The following SAMD3 variants were observed in gnomAD, a reference collection of about 807,000 sequenced individuals.
SAMD3 encodes sterile alpha motif domain containing 3.
Under a neutral mutation model 58.5 loss-of-function variants are expected in SAMD3, and 63 were observed. The observed-to-expected ratio is 1.08, with a 90% CI of 0.88 to 1.33. The LOEUF (loss-of-function observed/expected upper bound fraction) is 1.33. Ranked by LOEUF, SAMD3 falls within the 40% of genes most tolerant of loss-of-function variation. The probability of loss-of-function intolerance (pLI) is 0.00; values close to 1 mark genes in which losing one functional copy is unlikely to be tolerated. For missense variants in SAMD3, 604 were observed against 608.4 expected, an observed-to-expected ratio of 0.99 and a Z score of 0.08; for synonymous variants, 220 against 210.3, an observed-to-expected ratio of 1.05 and a Z score of -0.40.
chr6:130,310,339 C>T (rs1776105174), intron 2 of SAMD3, among the ~76,000 whole-genome samples: 1 of 152,134 alleles, frequency 6.6e-6, no homozygotes, highest in South Asian at 2.1e-4. Flanking sequence ...TTAAAACCCT[C>T]ATAAGGAGAA....
intron 1 of SAMD3, among the ~76,000 whole-genome samples, chr6:130,218,346 A>C (rs1416358274): frequency 3.3e-5 from 5 of 152,190 alleles, no homozygotes; most frequent in Admixed American, 3.3e-4. Flanking sequence ...CCATTCTCTC[A>C]GTGCGCAGGC....
chr6:130,344,036 C>T (rs1241652542), intron 1 of SAMD3, among the ~76,000 whole-genome samples: 1 of 151,964 alleles, frequency 6.6e-6, no homozygotes, highest in African/African-American at 2.4e-5. Flanking sequence ...GAGTGGCCCA[C>T]TGGGCACACA....
chr6:130,152,969 C>T (rs977030288), intron 9 of SAMD3, among the ~76,000 whole-genome samples: 1 of 152,120 alleles, frequency 6.6e-6, no homozygotes, highest in South Asian at 2.1e-4. Context: ...ATCACTAAGC[C>T]TTTGTAGGCC....
intron 8 of SAMD3, among the ~76,000 whole-genome samples, chr6:130,165,195 CCT>C (rs2114629073): frequency 6.6e-6 from 1 of 152,160 alleles, no homozygotes; most frequent in Non-Finnish European, 1.5e-5. Context: ...AAAATGAAGA[CCT>C]CTTAGTGATG....
chr6:130,279,717 T>C (rs1020912591), intron 2 of SAMD3, among the ~76,000 whole-genome samples: 2 of 152,222 alleles, frequency 1.3e-5, no homozygotes, highest in South Asian at 4.1e-4. Context: ...ACTCCTGACC[T>C]CAGGTGACCC....
chr6:130,254,399 T>C (rs1583011586), intron 2 of SAMD3, among the ~76,000 whole-genome samples: 1 of 152,042 alleles, frequency 6.6e-6, no homozygotes, highest in African/African-American at 2.4e-5. Context: ...TTTGGCCATG[T>C]TGGGCAGGCC....
intron 2 of SAMD3, among the ~76,000 whole-genome samples, chr6:130,230,008 T>C (rs1261744572): frequency 6.6e-6 from 1 of 152,218 alleles, no homozygotes; most frequent in Non-Finnish European, 1.5e-5. Flanking sequence ...CTCATACAAA[T>C]ACTATAAAAT....
At chr6:130,272,204 G>A (rs910431257) in intron 2 of SAMD3, among the ~76,000 whole-genome samples, 2 of 152,070 alleles carry the variant, frequency 1.3e-5, no homozygotes, top group African/African-American at 4.8e-5. Context: ...TTTTTCAAAT[G>A]GCTGACCATT....
intron 2 of SAMD3, among the ~76,000 whole-genome samples, chr6:130,240,454 A>C (rs920614480): frequency 4.6e-5 from 7 of 152,198 alleles, no homozygotes; most frequent in African/African-American, 1.7e-4. Flanking sequence ...GGCAAAGGAA[A>C]ATTCTTTCCA....
intron 1 of SAMD3, among the ~76,000 whole-genome samples, chr6:130,353,260 T>A (rs1777733470): frequency 1.3e-5 from 2 of 152,204 alleles, no homozygotes; most frequent in African/African-American, 4.8e-5. Context: ...AGTTGTTTAA[T>A]ATGTTTGCAT....
chr6:130,347,154 ACT>A (rs1361700485), intron 1 of SAMD3, among the ~76,000 whole-genome samples: 1 of 152,286 alleles, frequency 6.6e-6, no homozygotes, highest in South Asian at 2.1e-4. Context: ...AAAACTGGAA[ACT>A]CTAAAAAGCA....
chr6:130,314,086 A>G (rs556246253), intron 1 of SAMD3, among the ~76,000 whole-genome samples: 3 of 152,346 alleles, frequency 2.0e-5, no homozygotes, highest in Non-Finnish European at 4.4e-5. Context: ...CCAGCTGCTT[A>G]TCTGAAACTA....
At chr6:130,337,854 G>A (rs1777150289) in intron 1 of SAMD3, among the ~76,000 whole-genome samples, 3 of 152,202 alleles carry the variant, frequency 2.0e-5, no homozygotes, top group Admixed American at 1.3e-4. Flanking sequence ...GAGGGAAGCA[G>A]AGCATAAAAG....
chr6:130,300,115 C>A (rs1562508147), intron 2 of SAMD3, among the ~76,000 whole-genome samples: 1 of 152,092 alleles, frequency 6.6e-6, no homozygotes, highest in East Asian at 1.9e-4. Context: ...TCTGTAAAGC[C>A]AGTATCATCC....
downstream of SAMD3, chr6:130,144,270 A>T (rs559138974): frequency 1.3e-5 from 6 of 473,854 alleles, no homozygotes; most frequent in African/African-American, 1.0e-4. Flanking sequence ...TGAAAATATA[A>T]CTTAACTGCG....
chr6:130,265,809 G>T (rs2114929188), intron 2 of SAMD3, among the ~76,000 whole-genome samples: 1 of 152,264 alleles, frequency 6.6e-6, no homozygotes, highest in East Asian at 1.9e-4. Context: ...CTTGAAATTT[G>T]ATGCCTGTGC....
chr6:130,145,373 A>G lies in SAMD3; in HGVS notation c.1245T>C (p.Asp415=). 1 of 1,611,866 alleles carries G rather than the reference A, an allele frequency of 6.2e-7. No homozygotes were observed. Among genetic ancestry groups the G allele is most frequent in the Non-Finnish European group, 8.5e-7 (1 of 1,178,458 alleles). The part of the protein sequence containing the change: ...TCLLLPDVFG[D]DPSLFVIMNE... Reference sequence around the variant, plus strand: ...TCATGATGACAAAAAGGCTGGGATCATCCCCAAAAACATCTGGGAGGAGTA... The same window carrying G: ...TCATGATGACAAAAAGGCTGGGATCGTCCCCAAAAACATCTGGGAGGAGTA... Residue 415 remains aspartate (D), a synonymous_variant, in exon 11 of 12, where the codon GAT becomes GAC. Coordinates refer to ENST00000439090, the MANE Select transcript of SAMD3 (RefSeq NM_001017373.4).
intron 1 of SAMD3, among the ~76,000 whole-genome samples, chr6:130,348,340 G>A (rs1392171573): frequency 6.6e-6 from 1 of 152,120 alleles, no homozygotes; most frequent in African/African-American, 2.4e-5. Context: ...CCCATCTTAT[G>A]TGCAGAGACA....
Position 130,335,727 on chromosome 6 carries a change from C to T in SAMD3, c.-303-22634G>A, listed in dbSNP as rs367895123. The stretch of plus-strand genomic sequence containing the variant: ...GACACATGCACACGTATGTTTATTG[C>T]GGCTCTATTCACAATAGCAAAGACT... On this transcript the variant is annotated intron_variant, in intron 1 of 13. Coordinates refer to the SAMD3 transcript ENST00000368134. Among the ~76,000 whole-genome samples the T allele has an allele frequency of 2.3e-4, 35 of 152,206 alleles. 1 individual carries two copies. In the East Asian group the frequency reaches 4.6e-3, roughly 20 times the overall value.
Sources: gnomAD v4.1 joint callset for allele counts (sites outside exome capture counted in the v4.1 genomes callset) on GRCh38, gnomAD v4.1.1 for gene constraint, MANE v1.5 for transcripts, NCBI Gene and HGNC (gene_info 2026-07-23, HGNC 2026-07-21) for gene names.